The following LAMA5 variants were observed in gnomAD, a reference collection of about 807,000 sequenced individuals.
LAMA5 encodes the protein laminin subunit alpha 5, also known as laminin subunit alpha-5.
LAMA5 carries 260 observed loss-of-function variants against 433.4 expected under a neutral mutation model. The observed-to-expected ratio is 0.60, with a 90% CI of 0.54 to 0.66. LAMA5 has a LOEUF of 0.66. Ranked by LOEUF, LAMA5 falls within the 30% of genes least tolerant of loss-of-function variation. The pLI is 0.00. For synonymous variants in LAMA5, 2,620 were observed against 2,226.6 expected (o/e 1.18, Z -4.97); for missense variants, 5,378 against 5,258.5 (o/e 1.02, Z -0.70).
Position 62,317,664 on chromosome 20 carries a change from C to G in LAMA5, c.7354G>C (p.Glu2452Gln). 1 of 1,580,782 alleles carries G rather than the reference C, an allele frequency of 6.3e-7. No homozygotes were observed. Among genetic ancestry groups the G allele is most frequent in the Non-Finnish European group, 8.6e-7 (1 of 1,164,180 alleles). Residue 2452 changes from glutamate (E) to glutamine (Q), a missense_variant and splice_region_variant, in exon 54 of 80, where the codon GAG (glutamate) becomes CAG (glutamine). Glu to Gln is a conservative substitution (Grantham distance 29, BLOSUM62 2). Transcript: ENST00000252999. ...CAGGGGCCAGGGGCTGCACTCACCTCCTTAGCCTGGTCCAGGCTGTGCAGC... is the reference window on the plus strand; with the variant it reads ...CAGGGGCCAGGGGCTGCACTCACCTGCTTAGCCTGGTCCAGGCTGTGCAGC... ...RLLHSLDQAK[E>Q]ELERLAASLD...
chr20:62,352,312 C>A lies in LAMA5; in HGVS notation c.617G>T (p.Arg206Leu), dbSNP rs373447954. 1.3e-6 allele frequency: 2 copies of A among 1,599,990 alleles called. No individual in the cohort carries two copies. Among genetic ancestry groups the A allele is most frequent in the East Asian group, 2.2e-5 (1 of 44,852 alleles). ...GATGGCCGCGTCGTCCCGTGTGATGCGCTCCAGCGTCTGTGGCCCGAACCG... is the reference window on the plus strand; with the variant it reads ...GATGGCCGCGTCGTCCCGTGTGATGAGCTCCAGCGTCTGTGGCCCGAACCG... ...LERFGPQTLE[R>L]ITRDDAAICT... The change falls in exon 4 of 80, where the codon CGC becomes CTC. Residue 206 changes from arginine to leucine, a missense_variant. Arg to Leu is a moderately radical substitution (Grantham distance 102). Transcript: ENST00000252999.
chr20:62,316,133 G>T, intron 57 of LAMA5, 75 bp from the exon 58 acceptor site: 1 of 1,003,476 alleles, frequency 1.0e-6, no homozygotes, highest in South Asian at 1.4e-5. Flanking sequence ...CCACCCTTCT[G>T]ACCCCAGGAG....
chr20:62,313,990 T>G lies in LAMA5; in HGVS notation c.8505-188A>C, dbSNP rs1212973023. Among the ~76,000 whole-genome samples the G allele has an allele frequency of 1.8e-3, 8 of 4,504 alleles. 3 individuals carry two copies. Among genetic ancestry groups the G allele is most frequent in the Admixed American group, 7.1e-3 (2 of 280 alleles). 3.0% of individuals were successfully genotyped at this position (4,504 alleles called of 152,430 possible). A position where few individuals can be genotyped will look rare whatever the true frequency, so the allele number is the denominator to read the frequency against. On this transcript the variant is annotated intron_variant, in intron 62 of 79. Transcript: ENST00000252999. ...AGTGGGCACAGAGACGGGTGGCGAG[T>G]GGGCACAGAGACGAGGGGTGGCGAG... is the stretch of plus-strand genomic sequence containing the variant.
rs143941434 is a variant in LAMA5, at chr20:62,337,645, C to G, written c.2109G>C (p.Thr703=). 1 of 1,612,334 alleles carries G rather than the reference C, an allele frequency of 6.2e-7. No individual in the cohort carries two copies. Among genetic ancestry groups the G allele is most frequent in the East Asian group, 2.2e-5 (1 of 44,862 alleles). The change falls in exon 16 of 80, where the codon ACG becomes ACC. Residue 703 remains threonine, a synonymous_variant. Transcript: ENST00000252999. ...GCACACATGTGTCACACCGCAGCCC[C>G]GTCACACGGGGCCGGCAGCTGCACT... ...SGQCSCRPRV[T]GLRCDTCVPG...
rs368939161 is a variant in LAMA5, at chr20:62,309,708, G to C, written c.10948+8C>G. On this transcript the variant is annotated splice_region_variant and intron_variant, in intron 79 of 79. Transcript: ENST00000252999. ...AGCTCCCCCACCCTTGATCAAGGCC[G>C]CACTCACCAGGCAGGCCCCCGAGGT... is the stretch of plus-strand genomic sequence containing the variant. 26 of 1,590,166 alleles carry C rather than the reference G, an allele frequency of 1.6e-5. No homozygotes were observed. In the African/African-American group the frequency reaches 3.5e-4, roughly 21 times the overall value.
At position 62,334,532 on chromosome 20, in the gene LAMA5, T is replaced by G. The variant is rs1368189397; in HGVS notation, c.2572A>C (p.Thr858Pro). The change falls in exon 21 of 80, where the codon ACC becomes CCC. Residue 858 changes from threonine (T) to proline (P), a missense_variant. Thr to Pro is a conservative substitution (Grantham distance 38). Transcript: ENST00000252999. ...CRCRPNTQGP[T>P]CSEPARDHYL... Reference sequence around the variant, plus strand: ...GGAAGGGGTACCCACTCGCTGCAGGTGGGGCCCTGGGTGTTGGGGCGGCAC... The same window carrying G: ...GGAAGGGGTACCCACTCGCTGCAGGGGGGGCCCTGGGTGTTGGGGCGGCAC... The G allele has an allele frequency of 1.3e-6, 2 of 1,548,216 alleles. No homozygotes were observed. Among genetic ancestry groups the G allele is most frequent in the Non-Finnish European group, 1.7e-6 (2 of 1,146,612 alleles).
Position 62,320,469 on chromosome 20 carries a change from T to C in LAMA5, c.6759+90A>G. The C allele has an allele frequency of 4.1e-6, 4 of 964,178 alleles. No homozygotes were observed. The South Asian group carries it at 4.3e-5, about 10-fold the overall frequency. The allele number at this position is 964,178 out of a possible 1,614,324, so 59.7% of individuals were successfully genotyped here. ...CCTGCACTGACACATGTACGAGGCA[T>C]GAAGTAACATCTGCTGAATGAGGAC... is the stretch of plus-strand genomic sequence containing the variant. On this transcript the variant is annotated intron_variant, in intron 50 of 79. Coordinates refer to ENST00000252999, the MANE Select transcript of LAMA5 (RefSeq NM_005560.6).
rs571735111 is a variant in LAMA5, at chr20:62,323,922, T to C, written c.5769-66A>G. ...TGCCCGGGCCCGGGCGAGCACACTG[T>C]GCTCCGGCTGGAACACACGCCAGGC... On this transcript the variant is annotated intron_variant, in intron 43 of 79. Coordinates refer to ENST00000252999, the MANE Select transcript of LAMA5 (RefSeq NM_005560.6). The C allele has an allele frequency of 1.8e-4, 274 of 1,496,334 alleles. 1 individual carries two copies. The African/African-American group carries it at 3.2e-3, about 17-fold the overall frequency. The allele number at this position is 1,496,334 out of a possible 1,614,324, so 92.7% of individuals were successfully genotyped here.
chr20:62,338,386 C>T lies in LAMA5; in HGVS notation c.1619-17G>A, dbSNP rs183768963. 3.4e-4 allele frequency: 551 copies of T among 1,606,004 alleles called. 4 individuals carry two copies. In the African/African-American group the frequency reaches 6.8e-3, roughly 20 times the overall value. Reference sequence around the variant, plus strand: ...ACTGGCAGGCTGCAGGAAAGGGTGGCCCACATGCTTGGTCAGAGGCACCAG... The same window carrying T: ...ACTGGCAGGCTGCAGGAAAGGGTGGTCCACATGCTTGGTCAGAGGCACCAG... On this transcript the variant is annotated splice_polypyrimidine_tract_variant and intron_variant, in intron 12 of 79. Coordinates refer to ENST00000252999, the MANE Select transcript of LAMA5 (RefSeq NM_005560.6).
At position 62,333,211 on chromosome 20, in the gene LAMA5, C is replaced by G; in HGVS notation, c.3161G>C (p.Gly1054Ala). 1 of 1,522,334 alleles carries G rather than the reference C, an allele frequency of 6.6e-7. No individual in the cohort carries two copies. The highest frequency in any genetic ancestry group is 8.8e-7 in the Non-Finnish European group (1 of 1,134,918). 94.3% of individuals were successfully genotyped at this position (1,522,334 alleles called of 1,614,324 possible). A position where few individuals can be genotyped will look rare whatever the true frequency, so the allele number is the denominator to read the frequency against. ...CTCCAGCCCGGCGGCCGAGGGGAAG[C>G]CATCCAGGGGGAGGTGTGTGTAGAG... ...CLLYTHLPLD[G>A]FPSAAGLEAL... The change falls in exon 26 of 80, where the codon GGC becomes GCC. Residue 1054 changes from glycine to alanine, a missense_variant. Coordinates refer to ENST00000252999, the MANE Select transcript of LAMA5 (RefSeq NM_005560.6).
At position 62,338,517 on chromosome 20, in the gene LAMA5, G is replaced by A. The variant is rs1344442411; in HGVS notation, c.1569C>T (p.Gly523=). The change falls in exon 12 of 80, where the codon GGC becomes GGT. Residue 523 remains glycine (G), a synonymous_variant. Coordinates refer to ENST00000252999, the MANE Select transcript of LAMA5 (RefSeq NM_005560.6). ...GRCLCKPNFQ[G]THCELCAPGF... ...CTGGCGCGCAGAGCTCACAATGGGT[G>A]CCTTGGAAGTTGGGTTTGCACAGAC... is the stretch of plus-strand genomic sequence containing the variant. 1.2e-6 allele frequency: 2 copies of A among 1,610,008 alleles called. No individual in the cohort carries two copies. The highest frequency in any genetic ancestry group is 2.7e-5 in the African/African-American group (2 of 74,916).
In LAMA5 at chr20:62,346,486, G is replaced by GC. The variant is rs1406114303; in HGVS notation, c.1282+19dup. On this transcript the variant is annotated intron_variant, in intron 9 of 79. Transcript: ENST00000252999. ...GCAGACCCTGAGACCCAGGACACCC[G>GC]CCCAGCTGAGCCCACTCACGGCGGC... 5.8e-6 allele frequency: 9 copies of GC among 1,547,862 alleles called. No homozygotes were observed. The highest frequency in any genetic ancestry group is 1.2e-5 in the South Asian group (1 of 83,886).
chr20:62,311,724 G>A lies in LAMA5; in HGVS notation c.9696C>T (p.Pro3232=), dbSNP rs577468888. The A allele has an allele frequency of 2.0e-4, 307 of 1,561,748 alleles. 3 individuals are homozygous for A. In the South Asian group the frequency reaches 3.3e-3, roughly 17 times the overall value. The part of the protein sequence containing the change: ...QQMKPHRGPP[P]ELQPQPEGPP... ...GCCCCTCAGGCTGCGGCTGGAGCTC[G>A]GGGGGTGGTCCCCGGTGGGGCTTCA... The change falls in exon 71 of 80, where the codon CCC becomes CCT. Residue 3232 remains proline, a synonymous_variant. Coordinates refer to ENST00000252999, the MANE Select transcript of LAMA5 (RefSeq NM_005560.6).
Position 62,317,491 on chromosome 20 carries a change from C to A in LAMA5, c.7365G>T (p.Glu2455Asp). 6.5e-7 allele frequency: 1 copy of A among 1,543,284 alleles called. No individual in the cohort carries two copies. The highest frequency in any genetic ancestry group is 8.8e-7 in the Non-Finnish European group (1 of 1,142,028). The change falls in exon 55 of 80, where the codon GAG (glutamate) becomes GAT (aspartate). Residue 2455 changes from glutamate to aspartate, a missense_variant. Coordinates refer to ENST00000252999, the MANE Select transcript of LAMA5 (RefSeq NM_005560.6). ...HSLDQAKEEL[E>D]RLAASLDGAR... ...CCCCATCCAGGCTGGCGGCGAGGCG[C>A]TCCAGCTCCTGGAATTTGAGTGGAC...
At chr20:62,340,616 T>C (rs6143027) in intron 11 of LAMA5, among the ~76,000 whole-genome samples, 118,722 of 151,894 alleles carry the variant, frequency 0.78, 49,131 homozygotes, top group East Asian at 0.94. Flanking sequence ...TGGCCACAAG[T>C]CTGCTTTAAC....
At position 62,322,888 on chromosome 20, in the gene LAMA5, ACCCACTCGTGT is replaced by A. The variant is rs1419529217; in HGVS notation, c.6065-141_6065-131del. On this transcript the variant is annotated intron_variant, in intron 45 of 79. Transcript: ENST00000252999. ...TCCAGGCCGCCCGGACCACCCGGCT[ACCCACTCGTGT>A]CCCAGCCTGGCCCCACTCCCCAGCT... is the stretch of plus-strand genomic sequence containing the variant. 10 of 590,552 alleles carry A rather than the reference ACCCACTCGTGT, an allele frequency of 1.7e-5. No individual in the cohort carries two copies. In the African/African-American group the frequency reaches 1.8e-4, roughly 10 times the overall value. 36.6% of individuals were successfully genotyped at this position (590,552 alleles called of 1,614,324 possible).
intron 28 of LAMA5, among the ~76,000 whole-genome samples, chr20:62,331,334 G>T: frequency 7.0e-6 from 1 of 143,726 alleles, no homozygotes; most frequent in Non-Finnish European, 1.5e-5. Flanking sequence ...GTACGATGGG[G>T]GGGCCGGTCA....
chr20:62,314,307 T>A lies in LAMA5; in HGVS notation c.8501A>T (p.Asp2834Val). The A allele has an allele frequency of 1.2e-6, 2 of 1,612,982 alleles. No individual in the cohort carries two copies. The highest frequency in any genetic ancestry group is 1.7e-6 in the Non-Finnish European group (2 of 1,179,766). Residue 2834 changes from aspartate to valine, a missense_variant, in exon 62 of 80, where the codon GAC becomes GTC. By Grantham distance (152) the Asp-to-Val change is radical. Transcript: ENST00000252999. ...GCCTCTCTCCTGGGCCTCCCACCTG[T>A]CCAGGCTGACAGCTGCGAACTGCTC... Reference protein sequence around the residue: ...IGEQFAAVSLDRTLQFGHMSV... With the variant: ...IGEQFAAVSLVRTLQFGHMSV...
chr20:62,309,395 T>G lies in LAMA5; in HGVS notation c.11029A>C (p.Met3677Leu), dbSNP rs768239153. 6.3e-7 allele frequency: 1 copy of G among 1,588,608 alleles called. No homozygotes were observed. The highest frequency in any genetic ancestry group is 1.1e-5 in the South Asian group (1 of 88,632). The change falls in exon 80 of 80, where the codon ATG becomes CTG. Residue 3677 changes from methionine to leucine, a missense_variant. By Grantham distance (15) the Met-to-Leu change is conservative (BLOSUM62 2). Coordinates refer to ENST00000252999, the MANE Select transcript of LAMA5 (RefSeq NM_005560.6). ...CCGTGGACCTCCACAGAGCGAGTCA[T>G]GGCGACGGGGGACCGGTTCACCGCC... ...RLAVNRSPVA[M>L]TRSVEVHGAV...
Sources: gnomAD v4.1 joint callset for allele counts (sites outside exome capture counted in the v4.1 genomes callset) on GRCh38, gnomAD v4.1.1 for gene constraint, MANE v1.5 for transcripts, NCBI Gene and HGNC (gene_info 2026-07-23, HGNC 2026-07-21) for gene names.